PPP6R3: variants seen among roughly 807,000 people sequenced by gnomAD.
The protein encoded by PPP6R3 is serine/threonine-protein phosphatase 6 regulatory subunit 3.
Under a neutral mutation model 110.7 loss-of-function variants are expected in PPP6R3, and 38 were observed. The observed-to-expected ratio is 0.34, with a 90% confidence interval of 0.26 to 0.45. The LOEUF (loss-of-function observed/expected upper bound fraction) is 0.45. PPP6R3 is among the 20% of genes least tolerant of loss of function. The pLI, the probability that PPP6R3 is intolerant of heterozygous loss-of-function variation, is 1.00. For synonymous variants in PPP6R3, 369 were observed against 373.5 expected, an observed-to-expected ratio of 0.99 and a Z score of 0.14; for missense variants, 870 against 1,062.4, an observed-to-expected ratio of 0.82 and a Z score of 2.52.
At position 68,607,830 on chromosome 11, in the gene PPP6R3, G is replaced by A. The variant is rs1017261551; in HGVS notation, c.2451-2074G>A. On this transcript the variant is annotated intron_variant, in intron 22 of 23. Transcript: ENST00000393800. ...GCTCTGTTGCCCAGGCTGGAATGCA[G>A]TGGCACAATCATAGCTCACTGTAAC... Among the ~76,000 whole-genome samples, 141 of 151,614 alleles carry A rather than the reference G, an allele frequency of 9.3e-4. 3 individuals carry two copies. The highest frequency in any genetic ancestry group is 2.5e-4 in the Non-Finnish European group (17 of 67,966).
chr11:68,461,459 T>G (rs984252623), intron 1 of PPP6R3, among the ~76,000 whole-genome samples: 1 of 135,414 alleles, frequency 7.4e-6, no homozygotes, highest in Non-Finnish European at 1.6e-5. Flanking sequence ...ATGTAAACTG[T>G]CTCGAATGCC....
intron 1 of PPP6R3, among the ~76,000 whole-genome samples, chr11:68,514,337 G>C (rs1201241140): frequency 6.6e-6 from 1 of 152,042 alleles, no homozygotes. Flanking sequence ...AAAGCTCTGG[G>C]ATCTCAAGCC....
At chr11:68,474,534 T>A (rs933583669) in intron 1 of PPP6R3, among the ~76,000 whole-genome samples, 1 of 152,208 alleles carries the variant, frequency 6.6e-6, no homozygotes, top group African/African-American at 2.4e-5. Flanking sequence ...TTCCTTTTTT[T>A]ATATCAACCT....
intron 1 of PPP6R3, among the ~76,000 whole-genome samples, chr11:68,506,263 G>A (rs2099075765): frequency 6.7e-6 from 1 of 150,266 alleles, no homozygotes; most frequent in Admixed American, 6.6e-5. Context: ...GCACCACCAC[G>A]CCTGGCTAAT....
intron 22 of PPP6R3, among the ~76,000 whole-genome samples, chr11:68,605,548 A>G (rs966636191): frequency 1.2e-4 from 18 of 152,246 alleles, no homozygotes; most frequent in African/African-American, 4.3e-4. Flanking sequence ...CTTTTAGAAG[A>G]CAACAAAAGA....
intron 2 of PPP6R3, among the ~76,000 whole-genome samples, chr11:68,526,915 C>G (rs986837897): frequency 6.6e-6 from 1 of 152,070 alleles, no homozygotes; most frequent in Non-Finnish European, 1.5e-5. Context: ...AACTAGTTGA[C>G]AAAAGTAAGG....
chr11:68,605,751 AT>A (rs1237536841), intron 22 of PPP6R3, among the ~76,000 whole-genome samples: 1 of 152,200 alleles, frequency 6.6e-6, no homozygotes, highest in Non-Finnish European at 1.5e-5. Context: ...AGATAGTCTA[AT>A]TTTTTTAAAT....
Position 68,537,660 on chromosome 11 carries a change from C to A in PPP6R3, c.-5C>A. 1 of 1,555,326 alleles carries A rather than the reference C, an allele frequency of 6.4e-7. No homozygotes were observed. The highest frequency in any genetic ancestry group is 1.8e-5 in the Admixed American group (1 of 55,022). On this transcript the variant is annotated splice_region_variant and 5_prime_UTR_variant, in exon 3 of 24. Coordinates refer to ENST00000393800, the MANE Select transcript of PPP6R3 (RefSeq NM_001164161.2). ...AAATACTTTCTGCATTTTGTTTAGACCAGCATGTTTTGGAAATTTGATCTT... is the reference window on the plus strand; with the variant it reads ...AAATACTTTCTGCATTTTGTTTAGAACAGCATGTTTTGGAAATTTGATCTT...
rs2099594353 is a variant in PPP6R3, at chr11:68,591,233, AG to A, written c.1786-342del. ...ATCACTGCTCAGCTGGACTAGTAAA[AG>A]CAAATAAGTACGGTTGCTTTTCCTT... On this transcript the variant is annotated intron_variant, in intron 17 of 23. Transcript: ENST00000393800. Among the ~76,000 whole-genome samples, 5 of 152,340 alleles carry A rather than the reference AG, an allele frequency of 3.3e-5. 1 individual carries two copies. The highest frequency in any genetic ancestry group is 3.3e-4 in the Admixed American group (5 of 15,306).
At chr11:68,570,160 T>C (rs918189632) in intron 11 of PPP6R3, among the ~76,000 whole-genome samples, 6 of 152,238 alleles carry the variant, frequency 3.9e-5, no homozygotes, top group African/African-American at 4.8e-5. Flanking sequence ...TTTGAAGATA[T>C]ATAAATTCTT....
intron 8 of PPP6R3, among the ~76,000 whole-genome samples, chr11:68,563,522 A>G (rs1170562178): frequency 6.6e-6 from 1 of 152,204 alleles, no homozygotes; most frequent in African/African-American, 2.4e-5. Context: ...AGAAGGTGAC[A>G]TTTGCAGGCC....
At chr11:68,497,630 C>T (rs1034244586) in intron 1 of PPP6R3, among the ~76,000 whole-genome samples, 1 of 152,222 alleles carries the variant, frequency 6.6e-6, no homozygotes, top group African/African-American at 2.4e-5. Context: ...GCTGGGACTA[C>T]AGGCATGAGC....
chr11:68,511,786 T>A (rs1394322386), intron 1 of PPP6R3, among the ~76,000 whole-genome samples: 1 of 151,582 alleles, frequency 6.6e-6, no homozygotes, highest in Non-Finnish European at 1.5e-5. Flanking sequence ...CAGCCGTGTG[T>A]GTGTGTGTGT....
intron 1 of PPP6R3, among the ~76,000 whole-genome samples, chr11:68,502,454 C>T (rs772469743): frequency 1.2e-4 from 18 of 152,078 alleles, no homozygotes; most frequent in Non-Finnish European, 1.3e-4. Context: ...ATGGGAGTTG[C>T]AGGGGGCGCT....
chr11:68,476,016 C>A lies in PPP6R3; in HGVS notation c.-158+15189C>A, dbSNP rs567565856. ...GCAGAGGGGCTCTTCTCATCCCAGACGATGGGCGGCCAGGCAGAGACGCTC... is the reference window on the plus strand; with the variant it reads ...GCAGAGGGGCTCTTCTCATCCCAGAAGATGGGCGGCCAGGCAGAGACGCTC... On this transcript the variant is annotated intron_variant, in intron 1 of 23. Transcript: ENST00000393800. 1.8e-4 allele frequency among the ~76,000 whole-genome samples: 26 copies of A among 148,288 alleles called. 1 individual carries two copies. The highest frequency in any genetic ancestry group is 6.3e-4 in the African/African-American group (25 of 39,746).
chr11:68,579,734 A>T (rs572069244), intron 14 of PPP6R3, among the ~76,000 whole-genome samples: 1 of 152,370 alleles, frequency 6.6e-6, no homozygotes, highest in East Asian at 1.9e-4. Flanking sequence ...CAGTAGTCCC[A>T]TAAGATTAGA....
intron 1 of PPP6R3, among the ~76,000 whole-genome samples, chr11:68,510,828 A>G (rs2099105047): frequency 1.3e-5 from 2 of 152,118 alleles, no homozygotes; most frequent in Non-Finnish European, 1.5e-5. Context: ...CATATGTCTG[A>G]AGACTGTATT....
At chr11:68,517,344 T>C (rs903099691) in intron 1 of PPP6R3, among the ~76,000 whole-genome samples, 1 of 152,138 alleles carries the variant, frequency 6.6e-6, no homozygotes, top group African/African-American at 2.4e-5. Context: ...GCATATGAAA[T>C]TGACATTCCT....
intron 1 of PPP6R3, among the ~76,000 whole-genome samples, chr11:68,502,070 G>A (rs919219189): frequency 1.5e-4 from 23 of 152,194 alleles, no homozygotes; most frequent in Non-Finnish European, 3.1e-4. Context: ...TGTGTACATG[G>A]TTAAAGATGA....
Sources: gnomAD v4.1 joint callset for allele counts (sites outside exome capture counted in the v4.1 genomes callset) on GRCh38, gnomAD v4.1.1 for gene constraint, MANE v1.5 for transcripts, NCBI Gene and HGNC (gene_info 2026-07-23, HGNC 2026-07-21) for gene names.